AKT2: variants seen among roughly 807,000 people sequenced by gnomAD.
AKT2 encodes the protein AKT serine/threonine kinase 2.
Under a neutral mutation model 58.6 loss-of-function variants are expected in AKT2, and 16 were observed. The ratio of observed to expected loss-of-function variants is 0.27; its 90% CI spans 0.18 to 0.41. The LOEUF (loss-of-function observed/expected upper bound fraction) is 0.41. AKT2 is among the 10% of genes least tolerant of loss of function. The pLI, the probability that AKT2 is intolerant of heterozygous loss-of-function variation, is 1.00. For missense variants in AKT2, 438 were observed against 661.0 expected (o/e 0.66, Z 3.70); for synonymous variants, 253 against 254.0 (o/e 1.00, Z 0.04).
intron 4 of AKT2, among the ~76,000 whole-genome samples, chr19:40,244,757 C>T (rs1974642555): frequency 6.6e-6 from 1 of 152,202 alleles, no homozygotes; most frequent in Non-Finnish European, 1.5e-5. Flanking sequence ...CCAGGATGGC[C>T]CCCGCCCCAG....
intron 4 of AKT2, among the ~76,000 whole-genome samples, chr19:40,250,308 G>A (rs1975061973): frequency 6.6e-6 from 1 of 152,036 alleles, no homozygotes; most frequent in Admixed American, 6.6e-5. Flanking sequence ...TTCGAGACCA[G>A]CCTGACCAAC....
chr19:40,257,106 G>A (rs2145307834), intron 2 of AKT2, 52 bp from the exon 3 acceptor site: 1 of 1,607,396 alleles, frequency 6.2e-7, no homozygotes, highest in South Asian at 1.1e-5. Flanking sequence ...GTTGAGTGAT[G>A]TCCCAGGTAG....
intron 1 of AKT2, among the ~76,000 whole-genome samples, chr19:40,270,963 T>C (rs1212983510): frequency 1.3e-5 from 2 of 151,230 alleles, no homozygotes; most frequent in Admixed American, 6.6e-5. Flanking sequence ...CAGTGAGCTA[T>C]GACTACACCA....
chr19:40,252,996 AT>A (rs1975275042), intron 4 of AKT2, among the ~76,000 whole-genome samples: 1 of 152,182 alleles, frequency 6.6e-6, no homozygotes, highest in Admixed American at 6.5e-5. Flanking sequence ...TGCAACAATA[AT>A]TATAGTATAG....
chr19:40,257,706 C>T (rs1975640778), intron 2 of AKT2, among the ~76,000 whole-genome samples: 1 of 152,034 alleles, frequency 6.6e-6, no homozygotes, highest in Admixed American at 6.6e-5. Context: ...ATGTCCTCAA[C>T]AGCATTATTC....
At chr19:40,267,109 C>T (rs1260324635) in intron 1 of AKT2, among the ~76,000 whole-genome samples, 4 of 152,118 alleles carry the variant, frequency 2.6e-5, no homozygotes, top group South Asian at 2.1e-4. Context: ...CGAGTTCCTA[C>T]GCTCCACTCT....
Position 40,285,283 on chromosome 19 carries a change from C to T in AKT2, c.-187G>A, listed in dbSNP as rs541460496. ...TTGTGTTTCCCGGCAGCGGCAACGG[C>T]GCCGGCAGCGGCAGCGGCGGCGGCG... On this transcript the variant is annotated 5_prime_UTR_variant, in exon 1 of 14. Coordinates refer to ENST00000392038, the MANE Select transcript of AKT2 (RefSeq NM_001626.6). The T allele has an allele frequency of 4.3e-3, 1,685 of 395,120 alleles. 6 individuals carry two copies. Among genetic ancestry groups the T allele is most frequent in the Middle Eastern group, 0.017 (27 of 1,568 alleles). 24.5% of individuals were successfully genotyped at this position (395,120 alleles called of 1,614,324 possible).
Position 40,237,958 on chromosome 19 carries a change from C to G in AKT2, c.831+11G>C. On this transcript the variant is annotated intron_variant, in intron 9 of 13. Coordinates refer to ENST00000392038, the MANE Select transcript of AKT2 (RefSeq NM_001626.6). This position sits in a 1 kb window ranked among gnomAD's most constrained non-coding sequence, Gnocchi z 4.5. ...GCCACAGGTCAGCCTGGCGCACACC[C>G]TGCCACTAACCTTGATGTCGCGGTA... 1 of 1,613,302 alleles carries G rather than the reference C, an allele frequency of 6.2e-7. No individual in the cohort carries two copies. Among genetic ancestry groups the G allele is most frequent in the Non-Finnish European group, 8.5e-7 (1 of 1,179,826 alleles).
chr19:40,236,176 A>G, intron 10 of AKT2, 72 bp from the exon 11 acceptor site: 1 of 1,613,292 alleles, frequency 6.2e-7, no homozygotes, highest in Non-Finnish European at 8.5e-7. Context: ...CCCTCAGGGC[A>G]TCTGGGCTGG....
chr19:40,239,844 G>C, intron 7 of AKT2: 1 of 710,250 alleles, frequency 1.4e-6, no homozygotes, highest in East Asian at 2.7e-5. Flanking sequence ...CTATGAAGAA[G>C]CTGTCACCCT....
At chr19:40,258,313 T>C (rs1975700310) in intron 2 of AKT2, among the ~76,000 whole-genome samples, 1 of 144,702 alleles carries the variant, frequency 6.9e-6, no homozygotes, top group African/African-American at 2.5e-5. Flanking sequence ...CTGAACATAC[T>C]AAAACCAACT....
chr19:40,235,935 G>A lies in AKT2; in HGVS notation c.1130C>T (p.Ala377Val), dbSNP rs758765375. The A allele has an allele frequency of 1.2e-6, 2 of 1,613,678 alleles. No individual in the cohort carries two copies. The highest frequency in any genetic ancestry group is 8.5e-7 in the Non-Finnish European group (1 of 1,180,014). ...AAGCAGCCCAGCAAGCAGGGACTTG[G>A]CCTCGGGGCTGAGCGTGCGCGGGAA... is the stretch of plus-strand genomic sequence containing the variant. ...IRFPRTLSPE[A>V]KSLLAGLLKK... Residue 377 changes from alanine to valine, a missense_variant, in exon 11 of 14, where the codon GCC becomes GTC. Ala to Val is a moderately conservative substitution (Grantham distance 64). Coordinates refer to ENST00000392038, the MANE Select transcript of AKT2 (RefSeq NM_001626.6). This position sits in a 1 kb window ranked among gnomAD's most constrained non-coding sequence, Gnocchi z 6.3.
intron 1 of AKT2, among the ~76,000 whole-genome samples, chr19:40,266,585 G>A (rs1444562788): frequency 6.6e-6 from 1 of 152,194 alleles, no homozygotes; most frequent in Non-Finnish European, 1.5e-5. Flanking sequence ...GGCTCCCCTT[G>A]CCAGCAACAT....
At chr19:40,275,547 G>A (rs964304366) in intron 1 of AKT2, 29 of 356,576 alleles carry the variant, frequency 8.1e-5, no homozygotes, top group Admixed American at 1.9e-4. Flanking sequence ...CAGTCACAGC[G>A]AGTAGGTGCA....
intron 4 of AKT2, among the ~76,000 whole-genome samples, chr19:40,251,666 G>C (rs1430293359): frequency 6.6e-6 from 1 of 152,144 alleles, no homozygotes; most frequent in Non-Finnish European, 1.5e-5. Context: ...ATGAATACTG[G>C]TTTTAAAACA....
chr19:40,272,153 C>A (rs1372332319), intron 1 of AKT2, among the ~76,000 whole-genome samples: 1 of 152,220 alleles, frequency 6.6e-6, no homozygotes, highest in Non-Finnish European at 1.5e-5. Context: ...AACTGAGGCA[C>A]AGAAGTGAAA....
chr19:40,258,481 T>C (rs144815248), intron 2 of AKT2, among the ~76,000 whole-genome samples: 372 of 151,928 alleles, frequency 2.4e-3, no homozygotes, highest in African/African-American at 8.6e-3. Context: ...CTGGGCAACA[T>C]AGTGAGATCT....
At chr19:40,266,633 G>A (rs1270097067) in intron 1 of AKT2, among the ~76,000 whole-genome samples, 1 of 152,164 alleles carries the variant, frequency 6.6e-6, no homozygotes, top group Non-Finnish European at 1.5e-5. Flanking sequence ...AGGACTGCCA[G>A]ACTCTCAATC....
At chr19:40,246,064 C>T (rs1356204833) in intron 4 of AKT2, among the ~76,000 whole-genome samples, 2 of 150,236 alleles carry the variant, frequency 1.3e-5, no homozygotes, top group East Asian at 3.9e-4. Context: ...AATTCCCAAA[C>T]CCTACACTAA....
Sources: allele counts gnomAD v4.1 joint callset (sites outside exome capture counted in the v4.1 genomes callset), GRCh38; gene constraint gnomAD v4.1.1; non-coding constraint Gnocchi (gnomAD v3.1); transcripts MANE v1.5; gene names NCBI Gene and HGNC (gene_info 2026-07-23, HGNC 2026-07-21).